NKAIN2: variants seen among roughly 807,000 people sequenced by gnomAD.
NKAIN2 encodes the protein sodium/potassium transporting ATPase interacting 2.
Under a neutral mutation model 32.6 loss-of-function variants are expected in NKAIN2, and 14 were observed. The observed-to-expected ratio is 0.43, with a 90% CI of 0.28 to 0.67. The LOEUF is 0.67. Ranked by LOEUF, NKAIN2 falls within the 30% of genes least tolerant of loss-of-function variation. The pLI is 0.17. For synonymous variants in NKAIN2, 80 were observed against 87.2 expected (o/e 0.92, Z 0.46); for missense variants, 198 against 258.3 (o/e 0.77, Z 1.60).
intron 1 of NKAIN2, among the ~76,000 whole-genome samples, chr6:124,260,989 C>T (rs1582944821): frequency 6.6e-6 from 1 of 152,270 alleles, no homozygotes; most frequent in East Asian, 1.9e-4. Context: ...GTGAGAAATA[C>T]TGTGATGAAC....
intron 1 of NKAIN2, among the ~76,000 whole-genome samples, chr6:124,044,560 G>A (rs1782032093): frequency 6.6e-6 from 1 of 152,038 alleles, no homozygotes; most frequent in Non-Finnish European, 1.5e-5. Flanking sequence ...GAGGACTATA[G>A]CCATTCATCT....
At chr6:124,560,543 A>G (rs976704764) in intron 3 of NKAIN2, among the ~76,000 whole-genome samples, 2 of 152,216 alleles carry the variant, frequency 1.3e-5, no homozygotes, top group Non-Finnish European at 2.9e-5. Context: ...CTTATTACCT[A>G]TGTAGCCCTA....
chr6:124,646,284 A>C, intron 3 of NKAIN2, among the ~76,000 whole-genome samples: 1 of 152,162 alleles, frequency 6.6e-6, no homozygotes, highest in East Asian at 1.9e-4. Context: ...AGCTCTTGGA[A>C]GTTCAAAACG....
intron 1 of NKAIN2, among the ~76,000 whole-genome samples, chr6:124,186,435 C>T (rs577268922): frequency 2.6e-5 from 4 of 151,888 alleles, no homozygotes; most frequent in Non-Finnish European, 5.9e-5. Context: ...GAGCAAGCCC[C>T]GTCTTTAAGA....
chr6:124,363,999 A>G (rs1583130339), intron 3 of NKAIN2, among the ~76,000 whole-genome samples: 1 of 152,238 alleles, frequency 6.6e-6, no homozygotes, highest in East Asian at 1.9e-4. Flanking sequence ...ATTAGAGAAA[A>G]TAAACGGGAA....
chr6:124,242,107 T>A (rs919894660), intron 1 of NKAIN2, among the ~76,000 whole-genome samples: 4 of 152,040 alleles, frequency 2.6e-5, no homozygotes, highest in African/African-American at 9.7e-5. Context: ...AGAGTGAACA[T>A]TCAGCCTACA....
chr6:123,810,100 G>T (rs1317511767), intron 1 of NKAIN2, among the ~76,000 whole-genome samples: 1 of 151,710 alleles, frequency 6.6e-6, no homozygotes, highest in Non-Finnish European at 1.5e-5. Context: ...ATCCTCTCTG[G>T]TAATCCTATG....
intron 4 of NKAIN2, among the ~76,000 whole-genome samples, chr6:124,759,323 A>C (rs1172783577): frequency 6.6e-6 from 1 of 152,176 alleles, no homozygotes; most frequent in Non-Finnish European, 1.5e-5. Context: ...CTCATTTTCT[A>C]ACATGCATTG....
chr6:124,776,467 C>T (rs1386950464), intron 4 of NKAIN2, among the ~76,000 whole-genome samples: 2 of 152,118 alleles, frequency 1.3e-5, no homozygotes, highest in Admixed American at 1.3e-4. Flanking sequence ...GGAACCATAG[C>T]CACAGAAAGG....
intron 1 of NKAIN2, among the ~76,000 whole-genome samples, chr6:123,868,561 T>C (rs1363705972): frequency 6.6e-6 from 1 of 152,172 alleles, no homozygotes; most frequent in African/African-American, 2.4e-5. Context: ...AATACATGAA[T>C]AGAGAGTGTG....
intron 1 of NKAIN2, among the ~76,000 whole-genome samples, chr6:123,962,728 G>A (rs564918998): frequency 6.6e-6 from 1 of 152,218 alleles, no homozygotes; most frequent in African/African-American, 2.4e-5. Flanking sequence ...ATGTAACCAC[G>A]CCACGTGAGG....
intron 1 of NKAIN2, among the ~76,000 whole-genome samples, chr6:124,097,389 A>G (rs1392813062): frequency 2.2e-5 from 3 of 135,654 alleles, no homozygotes; most frequent in Non-Finnish European, 4.7e-5. Flanking sequence ...GCAACAGAGC[A>G]AGACTTCGTC....
intron 3 of NKAIN2, among the ~76,000 whole-genome samples, chr6:124,441,511 T>A (rs1366498511): frequency 1.3e-5 from 2 of 152,060 alleles, no homozygotes; most frequent in African/African-American, 4.8e-5. Flanking sequence ...TACCTTGCAT[T>A]TGGGACACAT....
At chr6:123,833,214 T>C (rs1202109193) in intron 1 of NKAIN2, among the ~76,000 whole-genome samples, 2 of 152,170 alleles carry the variant, frequency 1.3e-5, no homozygotes, top group East Asian at 3.9e-4. Context: ...CCTTGCTCCA[T>C]TGTACTGACT....
intron 1 of NKAIN2, among the ~76,000 whole-genome samples, chr6:124,246,756 C>T (rs552000598): frequency 3.3e-5 from 5 of 152,158 alleles, no homozygotes; most frequent in South Asian, 2.1e-4. Flanking sequence ...AGCTATCACC[C>T]GTTTTCTCTC....
intron 1 of NKAIN2, among the ~76,000 whole-genome samples, chr6:123,874,399 A>C (rs7744681): frequency 0.02 from 3,028 of 152,208 alleles, 96 homozygotes; most frequent in African/African-American, 0.068. Context: ...TGACTGCTAG[A>C]CCCTGATCTC....
At chr6:124,771,889 C>T (rs1374874105) in intron 4 of NKAIN2, among the ~76,000 whole-genome samples, 1 of 152,026 alleles carries the variant, frequency 6.6e-6, no homozygotes, top group East Asian at 1.9e-4. Flanking sequence ...ACAGCAGGGG[C>T]AAGGGCTGAT....
chr6:124,436,564 G>C (rs1428842104), intron 3 of NKAIN2, among the ~76,000 whole-genome samples: 1 of 152,086 alleles, frequency 6.6e-6, no homozygotes, highest in African/African-American at 2.4e-5. Flanking sequence ...TTTAATCCCA[G>C]AACTGGAATT....
chr6:124,727,272 G>C (rs1345978206), intron 4 of NKAIN2, among the ~76,000 whole-genome samples: 2 of 151,954 alleles, frequency 1.3e-5, no homozygotes, highest in African/African-American at 2.4e-5. Context: ...CACCAAAGTT[G>C]AAATGAAGGA....
Sources: gnomAD v4.1 joint callset for allele counts (sites outside exome capture counted in the v4.1 genomes callset) on GRCh38, gnomAD v4.1.1 for gene constraint, MANE v1.5 for transcripts, NCBI Gene and HGNC (gene_info 2026-07-23, HGNC 2026-07-21) for gene names.